The following PIK3C2A variants were observed in gnomAD, a reference collection of about 807,000 sequenced individuals.
The protein encoded by PIK3C2A is phosphatidylinositol-4-phosphate 3-kinase catalytic subunit type 2 alpha.
Under a neutral mutation model 204.5 loss-of-function variants are expected in PIK3C2A, and 97 were observed. The observed-to-expected ratio is 0.47, with a 90% confidence interval of 0.40 to 0.56. The LOEUF (loss-of-function observed/expected upper bound fraction) is 0.56, where lower values mean the gene tolerates loss of function less well. PIK3C2A is among the 20% of genes least tolerant of loss of function. The probability of loss-of-function intolerance (pLI) is 0.00; values close to 1 mark genes in which losing one functional copy is unlikely to be tolerated. For missense variants in PIK3C2A, 1,735 were observed against 1,969.2 expected, an observed-to-expected ratio of 0.88 and a Z score of 2.25; for synonymous variants, 653 against 664.4, an observed-to-expected ratio of 0.98 and a Z score of 0.26.
chr11:17,119,661 T>C (rs1461456811), intron 16 of PIK3C2A, 125 bp downstream of exon 16: 3 of 585,438 alleles, frequency 5.1e-6, no homozygotes, highest in Non-Finnish European at 8.8e-6. Context: ...TGTATAAATA[T>C]ACATTTACAC....
At chr11:17,112,048 A>G (rs999574136) in intron 21 of PIK3C2A, among the ~76,000 whole-genome samples, 1 of 152,108 alleles carries the variant, frequency 6.6e-6, no homozygotes, top group Non-Finnish European at 1.5e-5. Flanking sequence ...ATATATATCA[A>G]AAGTGGTTCA....
chr11:17,139,170 C>T (rs1265590947), intron 8 of PIK3C2A, among the ~76,000 whole-genome samples: 1 of 152,052 alleles, frequency 6.6e-6, no homozygotes, highest in Non-Finnish European at 1.5e-5. Context: ...GCCTCGGCCT[C>T]CCCAAGTGCT....
At chr11:17,117,707 GGTTTTTTTTTTTTTTT>G in intron 18 of PIK3C2A, 36 bp from the exon 19 acceptor site, 1 of 532,488 alleles carries the variant, frequency 1.9e-6, no homozygotes. Context: ...GTCACGTCTT[GGTTTTTTTTTTTTTTT>G]TTTTTTTTTG....
At position 17,174,401 on chromosome 11, in the gene PIK3C2A, A is replaced by C. The variant is rs1476842049; in HGVS notation, c.-65-4595T>G. 7.5e-5 allele frequency among the ~76,000 whole-genome samples: 6 copies of C among 79,568 alleles called. 1 individual carries two copies. The highest frequency in any genetic ancestry group is 5.1e-4 in the South Asian group (1 of 1,972). The allele number at this position is 79,568 out of a possible 152,430, so 52.2% of individuals were successfully genotyped here. The stretch of plus-strand genomic sequence containing the variant: ...AGGAGATCGAGACCATCCTGGCTAA[A>C]ACGGTGAAACCCCGTCTCTACTAAA... On this transcript the variant is annotated intron_variant, in intron 1 of 32. Transcript: ENST00000691414.
chr11:17,120,447 A>C lies in PIK3C2A; in HGVS notation c.2658-473T>G, dbSNP rs1211313413. Among the ~76,000 whole-genome samples the C allele has an allele frequency of 2.0e-5, 3 of 152,074 alleles. No homozygotes were observed. In the East Asian group the frequency reaches 5.8e-4, roughly 29 times the overall value. On this transcript the variant is annotated intron_variant, in intron 15 of 32. Transcript: ENST00000691414. ...TCCTAATTGTTTTAAGCTTAATCAC[A>C]AATGTTTACGTGAATGAAATATTTC...
intron 1 of PIK3C2A, among the ~76,000 whole-genome samples, chr11:17,181,639 TATATATATATATATATATATACAC>T (rs1230874176): frequency 1.8e-3 from 6 of 3,404 alleles, no homozygotes; most frequent in African/African-American, 2.2e-3. Flanking sequence ...TATATATATA[TATATATATATATATATATATACAC>T]ACACACACAC....
chr11:17,099,479 G>A (rs937982310), intron 26 of PIK3C2A, among the ~76,000 whole-genome samples: 3 of 152,166 alleles, frequency 2.0e-5, no homozygotes, highest in South Asian at 4.1e-4. Context: ...CCCAGGAAGC[G>A]AGGTTGCAGT....
rs564868196 is a variant in PIK3C2A, at chr11:17,152,863, T to G, written c.1170-2208A>C. On this transcript the variant is annotated intron_variant, in intron 3 of 32. Transcript: ENST00000691414. ...AGATAAAAATGAGGGTTTTGAAAAATTTCAAATAAATTAATATTATTCTAT... is the reference window on the plus strand; with the variant it reads ...AGATAAAAATGAGGGTTTTGAAAAAGTTCAAATAAATTAATATTATTCTAT... 2.0e-5 allele frequency among the ~76,000 whole-genome samples: 3 copies of G among 152,084 alleles called. No individual in the cohort carries two copies. The South Asian group carries it at 6.2e-4, about 32-fold the overall frequency.
In PIK3C2A at chr11:17,168,832, A is replaced by C; in HGVS notation, c.910T>G (p.Trp304Gly). The C allele has an allele frequency of 1.2e-6, 2 of 1,613,982 alleles. No individual in the cohort carries two copies. The highest frequency in any genetic ancestry group is 1.7e-6 in the Non-Finnish European group (2 of 1,179,938). ...NVSSLLAKDP[W>G]DAVLLEERST... ...CTCTCTTCAAGAAGAACAGCATCCC[A>C]AGGATCCTTTGCTAGCAAACTTGAA... Residue 304 changes from tryptophan (W) to glycine (G), a missense_variant, in exon 2 of 33, where the codon TGG becomes GGG. By Grantham distance (184) the Trp-to-Gly change is radical. Around this residue, in one of 6 missense-constraint regions of PIK3C2A, gnomAD observed 536 missense variants for 546.7 expected, o/e 0.98. Transcript: ENST00000691414.
chr11:17,139,132 C>T (rs1341327403), intron 8 of PIK3C2A, among the ~76,000 whole-genome samples: 6 of 152,052 alleles, frequency 3.9e-5, no homozygotes, highest in Non-Finnish European at 7.4e-5. Flanking sequence ...AGGCTGGTCT[C>T]AAACTCCTGA....
intron 13 of PIK3C2A, among the ~76,000 whole-genome samples, chr11:17,125,291 T>G (rs1294533109): frequency 6.6e-6 from 1 of 152,142 alleles, no homozygotes; most frequent in African/African-American, 2.4e-5. Context: ...TAATTTTGGT[T>G]GTAAACTGAG....
chr11:17,171,659 T>C (rs1646771275), intron 1 of PIK3C2A, among the ~76,000 whole-genome samples: 1 of 152,268 alleles, frequency 6.6e-6, no homozygotes, highest in Admixed American at 6.5e-5. Context: ...ATTTAAAATA[T>C]ACACACTTTA....
chr11:17,089,222 C>T lies in PIK3C2A; in HGVS notation c.*516G>A, dbSNP rs1223646834. 3.3e-5 allele frequency: 5 copies of T among 152,224 alleles called. No homozygotes were observed. The highest frequency in any genetic ancestry group is 4.4e-5 in the Non-Finnish European group (3 of 68,062). The allele number at this position is 152,224 out of a possible 1,614,324, so 9.4% of individuals were successfully genotyped here. ...CGTTTTTCCCTACTTCTATAAACTA[C>T]TTAGTAGTTCTTAACTTAGCTATCT... On this transcript the variant is annotated 3_prime_UTR_variant, in exon 33 of 33. Transcript: ENST00000691414.
At position 17,089,683 on chromosome 11, in the gene PIK3C2A, G is replaced by A; in HGVS notation, c.*55C>T. ...TGTGTGTGTCTGTGTGTGTGTGCATGTATGCATGCACGTTTATAACTGTTC... is the reference window on the plus strand; with the variant it reads ...TGTGTGTGTCTGTGTGTGTGTGCATATATGCATGCACGTTTATAACTGTTC... On this transcript the variant is annotated 3_prime_UTR_variant, in exon 33 of 33. Transcript: ENST00000691414. The A allele has an allele frequency of 9.4e-7, 1 of 1,058,980 alleles. No homozygotes were observed. Among genetic ancestry groups the A allele is most frequent in the Non-Finnish European group, 1.4e-6 (1 of 693,528 alleles). 65.6% of individuals were successfully genotyped at this position (1,058,980 alleles called of 1,614,324 possible). A position where few individuals can be genotyped will look rare whatever the true frequency, so the allele number is the denominator to read the frequency against.
Position 17,136,545 on chromosome 11 carries a change from G to A in PIK3C2A, c.1785C>T (p.Ala595=), listed in dbSNP as rs1172579393. 1.2e-6 allele frequency: 2 copies of A among 1,604,690 alleles called. No individual in the cohort carries two copies. Among genetic ancestry groups the A allele is most frequent in the African/African-American group, 2.7e-5 (2 of 74,744 alleles). ...CSALDGVETL[A]ITESVKKLKR... The stretch of plus-strand genomic sequence containing the variant: ...TTAGCTTCTTTACTGATTCTGTAAT[G>A]GCAAGAGTCTCGACACCATCTAAAG... The change falls in exon 9 of 33, where the codon GCC becomes GCT. Residue 595 remains alanine, a synonymous_variant. Transcript: ENST00000691414.
At chr11:17,122,849 T>C (rs1321912181) in intron 13 of PIK3C2A, 36 bp from the exon 14 acceptor site, 2 of 892,346 alleles carry the variant, frequency 2.2e-6, no homozygotes, top group Non-Finnish European at 3.6e-6. Flanking sequence ...TGATTTTCAT[T>C]TTAAAAATCA....
chr11:17,116,426 C>G (rs1240452888), intron 19 of PIK3C2A, among the ~76,000 whole-genome samples: 1 of 152,038 alleles, frequency 6.6e-6, no homozygotes, highest in Non-Finnish European at 1.5e-5. Flanking sequence ...AACTGGAACC[C>G]TTCTATATTG....
chr11:17,164,976 T>C (rs1342282999), intron 2 of PIK3C2A, among the ~76,000 whole-genome samples: 4 of 152,104 alleles, frequency 2.6e-5, no homozygotes, highest in Admixed American at 2.6e-4. Flanking sequence ...TAGGGAGACT[T>C]ACATGGGTGT....
chr11:17,202,037 C>T (rs545640454), intron 1 of PIK3C2A, among the ~76,000 whole-genome samples: 111 of 152,096 alleles, frequency 7.3e-4, no homozygotes, highest in Non-Finnish European at 1.4e-3. Flanking sequence ...GGGCAGATCG[C>T]CTTAGGTCAG....
Sources: allele counts gnomAD v4.1 joint callset (sites outside exome capture counted in the v4.1 genomes callset), GRCh38; gene constraint gnomAD v4.1.1; regional missense constraint gnomAD v4.1.1; transcripts MANE v1.5; gene names NCBI Gene and HGNC (gene_info 2026-07-23, HGNC 2026-07-21).